BCR: variants seen among roughly 807,000 people sequenced by gnomAD.
BCR encodes the protein breakpoint cluster region protein.
In BCR, 58 loss-of-function variants were observed where a neutral mutation model predicts 138.6. That is an observed-to-expected ratio of 0.42 (90% CI 0.34 to 0.52). The LOEUF is 0.52. Ranked by LOEUF, BCR falls within the 20% of genes least tolerant of loss-of-function variation. The probability of loss-of-function intolerance (pLI) is 0.06; values close to 1 mark genes in which losing one functional copy is unlikely to be tolerated. For synonymous variants in BCR, 786 were observed against 730.1 expected, an observed-to-expected ratio of 1.08 and a Z score of -1.23; for missense variants, 1,599 against 1,727.2, an observed-to-expected ratio of 0.93 and a Z score of 1.32.
At chr22:23,291,506 G>A (rs1486385560) in intron 14 of BCR, among the ~76,000 whole-genome samples, 11 of 151,976 alleles carry the variant, frequency 7.2e-5, no homozygotes, top group African/African-American at 2.7e-4. Context: ...AAACGCTGGT[G>A]TTTCCCTCGT....
chr22:23,186,969 C>G (rs1281612138), intron 1 of BCR, among the ~76,000 whole-genome samples: 2 of 152,226 alleles, frequency 1.3e-5, no homozygotes, highest in Non-Finnish European at 2.9e-5. Context: ...CTCCTGACCT[C>G]AAGTGATCCA....
chr22:23,187,278 C>CT (rs3055923), intron 1 of BCR, among the ~76,000 whole-genome samples: 1,528 of 114,496 alleles, frequency 0.013, 14 homozygotes, highest in African/African-American at 0.021. Flanking sequence ...GCTTAAAATA[C>CT]TTTTTTTTTT....
At chr22:23,253,743 G>A in intron 1 of BCR, 56 bp from the exon 2 acceptor site, 2 of 1,560,460 alleles carry the variant, frequency 1.3e-6, no homozygotes, top group South Asian at 2.4e-5. Flanking sequence ...GGGATGGGTT[G>A]AGTATGGATG....
rs143817088 is a variant in BCR, at chr22:23,220,574, C to T, written c.1280-33225C>T. 4.0e-3 allele frequency among the ~76,000 whole-genome samples: 612 copies of T among 152,332 alleles called. 3 individuals carry two copies. The highest frequency in any genetic ancestry group is 6.2e-3 in the Non-Finnish European group (420 of 68,032). ...CAGGGCTTCTGAGGCCCTGAGGCTGCCTGGGGAGTGCGTTTCTTCTCCACC... is the reference window on the plus strand; with the variant it reads ...CAGGGCTTCTGAGGCCCTGAGGCTGTCTGGGGAGTGCGTTTCTTCTCCACC... On this transcript the variant is annotated intron_variant, in intron 1 of 22. Coordinates refer to ENST00000305877, the MANE Select transcript of BCR (RefSeq NM_004327.4).
rs1384751808 is a variant in BCR, at chr22:23,180,646, G to T, written c.-315G>T. Reference sequence around the variant, plus strand: ...GGAAGCGAGAGGCGAGGAGCGCGCGGGCCGTGGCCAGAGTCTGGCGGCGGC... The same window carrying T: ...GGAAGCGAGAGGCGAGGAGCGCGCGTGCCGTGGCCAGAGTCTGGCGGCGGC... On this transcript the variant is annotated 5_prime_UTR_variant, in exon 1 of 23. Coordinates refer to ENST00000305877, the MANE Select transcript of BCR (RefSeq NM_004327.4). 2 of 161,376 alleles carry T rather than the reference G, an allele frequency of 1.2e-5. No homozygotes were observed. The highest frequency in any genetic ancestry group is 2.4e-5 in the African/African-American group (1 of 41,166). The allele number at this position is 161,376 out of a possible 1,614,324, so 10.0% of individuals were successfully genotyped here.
intron 1 of BCR, among the ~76,000 whole-genome samples, chr22:23,182,565 T>A (rs2072284863): frequency 6.6e-6 from 1 of 152,196 alleles, no homozygotes; most frequent in African/African-American, 2.4e-5. Context: ...AGTAACCTCC[T>A]TGCTATGTGC....
intron 8 of BCR, among the ~76,000 whole-genome samples, chr22:23,281,438 A>G (rs768957876): frequency 4.6e-5 from 7 of 152,352 alleles, no homozygotes; most frequent in Middle Eastern, 3.4e-3. Context: ...CTCAAGGCCA[A>G]CTGTCCTGTA....
chr22:23,252,712 T>C (rs1180803843), intron 1 of BCR, among the ~76,000 whole-genome samples: 1 of 152,176 alleles, frequency 6.6e-6, no homozygotes, highest in African/African-American at 2.4e-5. Flanking sequence ...ATTACAGGCA[T>C]GAGCCACTGT....
chr22:23,225,265 C>T (rs980270484), intron 1 of BCR, among the ~76,000 whole-genome samples: 1 of 151,886 alleles, frequency 6.6e-6, no homozygotes, highest in African/African-American at 2.4e-5. Context: ...GGCGCATGGA[C>T]CAGAGACATC....
chr22:23,269,323 C>A (rs1330496815), intron 5 of BCR, among the ~76,000 whole-genome samples: 1 of 152,246 alleles, frequency 6.6e-6, no homozygotes, highest in Non-Finnish European at 1.5e-5. Context: ...TCATGAGCCC[C>A]CCATCTCGCT....
intron 14 of BCR, chr22:23,290,818 A>T (rs7290513): frequency 0.057 from 12,848 of 225,990 alleles, 1,650 homozygotes; most frequent in African/African-American, 0.27. Context: ...CTGGATGGAT[A>T]CTACTTTTTT....
At chr22:23,231,042 T>A (rs1329911419) in intron 1 of BCR, among the ~76,000 whole-genome samples, 1 of 152,134 alleles carries the variant, frequency 6.6e-6, no homozygotes, top group Non-Finnish European at 1.5e-5. Context: ...CTCCATCAAA[T>A]GAGAGTTATT....
chr22:23,263,442 CGA>C (rs1277778022), intron 4 of BCR: 34 of 1,387,364 alleles, frequency 2.5e-5, no homozygotes, highest in Admixed American at 5.0e-5. Flanking sequence ...GGGGTGCTGC[CGA>C]GAGGGGATTC....
chr22:23,312,015 C>A, intron 19 of BCR, 179 bp downstream of exon 19: 3 of 1,292,148 alleles, frequency 2.3e-6, no homozygotes, highest in Non-Finnish European at 3.1e-6. Context: ...TCTGTAGAAA[C>A]CAGTTTTTAA....
At chr22:23,223,628 G>C (rs1286797580) in intron 1 of BCR, among the ~76,000 whole-genome samples, 2 of 152,174 alleles carry the variant, frequency 1.3e-5, no homozygotes, top group Non-Finnish European at 2.9e-5. Context: ...GGAGGGCTCA[G>C]GCAGGCAGCA....
At chr22:23,201,649 G>A (rs1295216040) in intron 1 of BCR, among the ~76,000 whole-genome samples, 1 of 152,104 alleles carries the variant, frequency 6.6e-6, no homozygotes, top group African/African-American at 2.4e-5. Context: ...AGTAGAGGTG[G>A]TTTCACCATG....
chr22:23,280,302 A>C (rs1375438261), intron 8 of BCR, among the ~76,000 whole-genome samples: 1 of 152,166 alleles, frequency 6.6e-6, no homozygotes, highest in Non-Finnish European at 1.5e-5. Flanking sequence ...CTTAGCAAGG[A>C]GGTGCCCCTC....
chr22:23,268,631 C>G (rs1453652335), intron 5 of BCR, 116 bp downstream of exon 5: 3 of 929,450 alleles, frequency 3.2e-6, no homozygotes, highest in Non-Finnish European at 5.0e-6. Flanking sequence ...CCAGCTGTTT[C>G]CAGATTCTGT....
At chr22:23,190,710 C>T (rs1489517628) in intron 1 of BCR, among the ~76,000 whole-genome samples, 2 of 152,030 alleles carry the variant, frequency 1.3e-5, no homozygotes, top group African/African-American at 2.4e-5. Flanking sequence ...GTGTTTGTGC[C>T]GGCTCCCTCA....
Sources: gnomAD v4.1 joint callset for allele counts (sites outside exome capture counted in the v4.1 genomes callset) on GRCh38, gnomAD v4.1.1 for gene constraint, MANE v1.5 for transcripts, NCBI Gene and HGNC (gene_info 2026-07-23, HGNC 2026-07-21) for gene names.